The following NRG1 variants were observed in gnomAD, a reference collection of about 807,000 sequenced individuals.
NRG1 encodes the protein pro-neuregulin-1, membrane-bound isoform.
A neutral mutation model predicts 63.8 loss-of-function variants in NRG1; 18 were observed. The ratio of observed to expected loss-of-function variants is 0.28; its 90% CI spans 0.19 to 0.42. NRG1 has a LOEUF of 0.42. Ranked by LOEUF, NRG1 falls within the 10% of genes least tolerant of loss-of-function variation. NRG1 has a pLI of 1.00. For missense variants in NRG1, 762 were observed against 814.7 expected (o/e 0.94, Z 0.79); for synonymous variants, 302 against 301.3 (o/e 1.00, Z -0.02).
chr8:31,900,322 C>A (rs996110483), intron 1 of NRG1, among the ~76,000 whole-genome samples: 7 of 152,102 alleles, frequency 4.6e-5, no homozygotes, highest in Non-Finnish European at 1.0e-4. Flanking sequence ...AAAAACTCTT[C>A]AAGGGAGAAA....
intron 1 of NRG1, chr8:32,063,501 G>C (rs559420395): frequency 5.9e-5 from 9 of 152,234 alleles, no homozygotes; most frequent in African/African-American, 2.2e-4. Context: ...TGGAACAATA[G>C]ATGTAAAATT....
intron 7 of NRG1, chr8:32,748,851 A>G: frequency 3.0e-6 from 1 of 329,986 alleles, no homozygotes; most frequent in Non-Finnish European, 5.9e-6. Context: ...AACTAGAAGG[A>G]GTCTCCAGTG....
intron 5 of NRG1, among the ~76,000 whole-genome samples, chr8:32,717,563 T>C (rs1344861532): frequency 8.5e-5 from 13 of 152,312 alleles, no homozygotes; most frequent in Middle Eastern, 3.4e-3. Flanking sequence ...AAGATTCATA[T>C]GCTCAAACCT....
At chr8:31,857,297 C>G (rs575227808) in intron 1 of NRG1, among the ~76,000 whole-genome samples, 5 of 152,136 alleles carry the variant, frequency 3.3e-5, no homozygotes, top group African/African-American at 1.2e-4. Context: ...GAGCCAGGTG[C>G]GGGATATAAT....
At chr8:31,700,155 A>C (rs1810488350) in intron 1 of NRG1, among the ~76,000 whole-genome samples, 1 of 151,718 alleles carries the variant, frequency 6.6e-6, no homozygotes, top group African/African-American at 2.4e-5. Context: ...AAAAATGTGC[A>C]GGATGGGGTG....
rs1481621 is a variant in NRG1, at chr8:31,844,803, T to G, written c.37+205372T>G. Among the ~76,000 whole-genome samples, 79 of 151,670 alleles carry G rather than the reference T, an allele frequency of 5.2e-4. 1 individual carries two copies. The highest frequency in any genetic ancestry group is 1.7e-3 in the African/African-American group (69 of 41,460). On this transcript the variant is annotated intron_variant, in intron 1 of 10. Coordinates refer to the NRG1 transcript ENST00000519301. The stretch of plus-strand genomic sequence containing the variant: ...TGGCTTGGTGAATTTTTTTTTTTCC[T>G]TTTCCTTTTCCAAAGGGAATTAAAA...
chr8:31,982,015 A>G (rs1346874878), intron 1 of NRG1, among the ~76,000 whole-genome samples: 1 of 151,964 alleles, frequency 6.6e-6, no homozygotes, highest in Non-Finnish European at 1.5e-5. Context: ...AATATATACC[A>G]TGATGGGCAG....
chr8:31,907,654 T>A (rs1449745206), intron 1 of NRG1, among the ~76,000 whole-genome samples: 1 of 152,188 alleles, frequency 6.6e-6, no homozygotes, highest in South Asian at 2.1e-4. Flanking sequence ...CAAAAGAATT[T>A]GATGCTTGTG....
At chr8:32,559,245 T>TAAAA (rs545838945) in intron 1 of NRG1, among the ~76,000 whole-genome samples, 5 of 96,790 alleles carry the variant, frequency 5.2e-5, no homozygotes, top group East Asian at 3.7e-4. Context: ...CTCTAAAATG[T>TAAAA]AAAAAAAAAA....
chr8:31,773,169 A>G (rs946587771), intron 1 of NRG1, among the ~76,000 whole-genome samples: 1 of 152,188 alleles, frequency 6.6e-6, no homozygotes, highest in Non-Finnish European at 1.5e-5. Flanking sequence ...TGGATGGGTA[A>G]AAGAAAGTAA....
intron 5 of NRG1, chr8:32,647,875 G>A (rs909625047): frequency 1.2e-6 from 2 of 1,614,106 alleles, no homozygotes; most frequent in Non-Finnish European, 1.7e-6. Flanking sequence ...GGACTCGTGG[G>A]CCTGGCCGTG....
At chr8:31,718,841 G>A (rs1407022991) in intron 1 of NRG1, among the ~76,000 whole-genome samples, 1 of 152,120 alleles carries the variant, frequency 6.6e-6, no homozygotes, top group Non-Finnish European at 1.5e-5. Flanking sequence ...ATGATTAAGA[G>A]CATTTGTTTA....
In NRG1 at chr8:32,695,400, GAGAAA is replaced by G. The variant is rs750461367; in HGVS notation, c.503-32532_503-32528del. ...GAGAGAGAGAGAGGAAGGAAGGAAG[GAGAAA>G]AGAAAAGAAAAGAAAAAAAGAAAAA... is the stretch of plus-strand genomic sequence containing the variant. On this transcript the variant is annotated intron_variant, in intron 5 of 11. Transcript: ENST00000356819. Among the ~76,000 whole-genome samples the G allele has an allele frequency of 1.9e-4, 28 of 151,282 alleles. 1 individual carries two copies. Among genetic ancestry groups the G allele is most frequent in the African/African-American group, 5.8e-4 (24 of 41,150 alleles).
At chr8:32,156,797 A>G (rs1407431987) in intron 1 of NRG1, among the ~76,000 whole-genome samples, 1 of 152,124 alleles carries the variant, frequency 6.6e-6, no homozygotes, top group Non-Finnish European at 1.5e-5. Flanking sequence ...TTACACAGGC[A>G]TGGTGGCATG....
chr8:32,616,828 T>C lies in NRG1; in HGVS notation c.452-7T>C. 1.2e-6 allele frequency: 2 copies of C among 1,602,698 alleles called. No homozygotes were observed. Among genetic ancestry groups the C allele is most frequent in the Non-Finnish European group, 1.7e-6 (2 of 1,169,924 alleles). ...ATAAAGCCTCATTCCACTTTTATGT[T>C]TTATAGAGTCTCCCATTAGAATATC... On this transcript the variant is annotated splice_polypyrimidine_tract_variant and splice_region_variant and intron_variant, in intron 4 of 11. Transcript: ENST00000356819.
chr8:31,761,022 A>G (rs1255849744), intron 1 of NRG1, among the ~76,000 whole-genome samples: 2 of 152,218 alleles, frequency 1.3e-5, no homozygotes, highest in Admixed American at 1.3e-4. Flanking sequence ...TTGCGGCACT[A>G]TTCACAATAG....
At chr8:32,559,909 C>G (rs1242680079) in intron 1 of NRG1, among the ~76,000 whole-genome samples, 1 of 151,758 alleles carries the variant, frequency 6.6e-6, no homozygotes, top group African/African-American at 2.4e-5. Flanking sequence ...GTAGTCCCAT[C>G]TACTTGGGAG....
chr8:32,092,006 C>G (rs888461861), intron 1 of NRG1, among the ~76,000 whole-genome samples: 1 of 151,850 alleles, frequency 6.6e-6, no homozygotes, highest in South Asian at 2.1e-4. Context: ...TGAAAATGAA[C>G]ATATATTTTG....
intron 1 of NRG1, among the ~76,000 whole-genome samples, chr8:32,513,648 T>C (rs760255846): frequency 9.2e-5 from 14 of 152,126 alleles, no homozygotes; most frequent in Non-Finnish European, 1.9e-4. Flanking sequence ...CAACCAGAAG[T>C]ATCATTGGAT....
Sources: allele counts gnomAD v4.1 joint callset (sites outside exome capture counted in the v4.1 genomes callset), GRCh38; gene constraint gnomAD v4.1.1; transcripts MANE v1.5; gene names NCBI Gene and HGNC (gene_info 2026-07-23, HGNC 2026-07-21).